WIPF1: variants seen among roughly 807,000 people sequenced by gnomAD.
WIPF1 encodes the protein WAS/WASL-interacting protein family member 1.
In WIPF1, 13 loss-of-function variants were observed where a neutral mutation model predicts 35.4. The ratio of observed to expected loss-of-function variants is 0.37; its 90% CI spans 0.24 to 0.58. WIPF1 has a LOEUF of 0.58. Ranked by LOEUF, WIPF1 falls within the 20% of genes least tolerant of loss-of-function variation. The pLI is 0.74. For synonymous variants in WIPF1, 267 were observed against 266.3 expected (o/e 1.00, Z -0.02); for missense variants, 591 against 667.0 (o/e 0.89, Z 1.25).
chr2:174,661,723 T>C (rs900882621), intron 1 of WIPF1, among the ~76,000 whole-genome samples: 10 of 152,162 alleles, frequency 6.6e-5, no homozygotes, highest in African/African-American at 2.4e-4. Flanking sequence ...GACCTTGCCT[T>C]AAGCACACCT....
chr2:174,645,733 A>G (rs1407480804), intron 1 of WIPF1, among the ~76,000 whole-genome samples: 4 of 152,236 alleles, frequency 2.6e-5, no homozygotes, highest in African/African-American at 9.6e-5. Flanking sequence ...GCTGTCTTCA[A>G]AGCTAGAGCC....
intron 1 of WIPF1, among the ~76,000 whole-genome samples, chr2:174,649,029 G>A (rs1687478622): frequency 6.6e-6 from 1 of 152,192 alleles, no homozygotes; most frequent in African/African-American, 2.4e-5. Context: ...GAAGGAGAAA[G>A]AAAGTAATTT....
At chr2:174,598,638 G>A (rs937831696), upstream of WIPF1, among the ~76,000 whole-genome samples, 7 of 152,220 alleles carry the variant, frequency 4.6e-5, no homozygotes, top group South Asian at 4.1e-4. Flanking sequence ...GTTTTGAAAC[G>A]TGATTTTGGT....
At chr2:174,670,187 GC>G (rs992015117) in intron 1 of WIPF1, among the ~76,000 whole-genome samples, 13 of 151,854 alleles carry the variant, frequency 8.6e-5, no homozygotes, top group African/African-American at 2.7e-4. Flanking sequence ...TTCACTCCCT[GC>G]CCCCCCATCC....
At chr2:174,586,393 A>G (rs560059586) in intron 1 of WIPF1, among the ~76,000 whole-genome samples, 15 of 152,204 alleles carry the variant, frequency 9.9e-5, no homozygotes, top group Non-Finnish European at 1.9e-4. Flanking sequence ...GTAAAAAATT[A>G]TATATAAATA....
chr2:174,562,244 G>T lies in WIPF1; in HGVS notation c.*303C>A. On this transcript the variant is annotated 3_prime_UTR_variant, in exon 8 of 8. Coordinates refer to ENST00000679041, the MANE Select transcript of WIPF1 (RefSeq NM_001375834.1). ...AAATAAGCAGTGAATGTTTGAATTTGGTTGGTGGAAAGCTGGGATGCAAGT... is the reference window on the plus strand; with the variant it reads ...AAATAAGCAGTGAATGTTTGAATTTTGTTGGTGGAAAGCTGGGATGCAAGT... 6.5e-7 allele frequency: 1 copy of T among 1,542,546 alleles called. No homozygotes were observed. The highest frequency in any genetic ancestry group is 1.2e-5 in the South Asian group (1 of 83,534).
intron 1 of WIPF1, among the ~76,000 whole-genome samples, chr2:174,636,777 G>A (rs1343194050): frequency 1.3e-5 from 2 of 152,166 alleles, no homozygotes; most frequent in Admixed American, 1.3e-4. Flanking sequence ...TTTTTCTCTT[G>A]GTAAGACTGG....
chr2:174,661,721 C>T lies in WIPF1; in HGVS notation c.-39+21053G>A, dbSNP rs547294174. Among the ~76,000 whole-genome samples the T allele has an allele frequency of 7.2e-5, 11 of 152,216 alleles. No homozygotes were observed. The East Asian group carries it at 1.9e-3, about 27-fold the overall frequency. ...CTCCACTTTATGATAGGGACCTTGC[C>T]TTAAGCACACCTCAACAGTGAGCAC... On this transcript the variant is annotated intron_variant, in intron 1 of 8. Coordinates refer to the WIPF1 transcript ENST00000272746.
chr2:174,640,691 C>T (rs955551221), intron 1 of WIPF1, among the ~76,000 whole-genome samples: 2 of 151,156 alleles, frequency 1.3e-5, no homozygotes, highest in South Asian at 2.1e-4. Flanking sequence ...ATACACGTGC[C>T]GTGTTGGTGT....
intron 1 of WIPF1, among the ~76,000 whole-genome samples, chr2:174,631,135 C>T (rs923086173): frequency 6.6e-6 from 1 of 152,170 alleles, no homozygotes; most frequent in Admixed American, 6.5e-5. Context: ...ACCAAAGGAA[C>T]TGAATCCAGG....
intron 1 of WIPF1, among the ~76,000 whole-genome samples, chr2:174,621,226 G>C (rs10185056): frequency 0.015 from 2,282 of 152,172 alleles, 67 homozygotes; most frequent in African/African-American, 0.052. Flanking sequence ...AGATGAGTTT[G>C]AGTAATATAT....
chr2:174,580,556 T>A (rs1685202836), intron 3 of WIPF1, among the ~76,000 whole-genome samples: 1 of 152,218 alleles, frequency 6.6e-6, no homozygotes, highest in Non-Finnish European at 1.5e-5. Flanking sequence ...GGATCTGTAG[T>A]CTAGGATGAA....
At chr2:174,652,548 A>G (rs1385978049) in intron 1 of WIPF1, among the ~76,000 whole-genome samples, 1 of 152,190 alleles carries the variant, frequency 6.6e-6, no homozygotes, top group Non-Finnish European at 1.5e-5. Context: ...GATTTTTCCC[A>G]TCTCCATTAA....
At chr2:174,680,513 A>C (rs141788736) in intron 1 of WIPF1, among the ~76,000 whole-genome samples, 22 of 152,334 alleles carry the variant, frequency 1.4e-4, no homozygotes, top group African/African-American at 5.3e-4. Flanking sequence ...AGATGCTTAA[A>C]AGTGAAGGGG....
At chr2:174,596,847 A>G (rs1685837193) in intron 1 of WIPF1, among the ~76,000 whole-genome samples, 1 of 152,190 alleles carries the variant, frequency 6.6e-6, no homozygotes, top group South Asian at 2.1e-4. Context: ...CATAAGTCAA[A>G]TTGTTTCTTC....
chr2:174,598,621 C>A (rs919922320), upstream of WIPF1, among the ~76,000 whole-genome samples: 1 of 152,094 alleles, frequency 6.6e-6, no homozygotes, highest in Non-Finnish European at 1.5e-5. Flanking sequence ...TACTTGGCAG[C>A]AAATGAGTTT....
intron 1 of WIPF1, among the ~76,000 whole-genome samples, chr2:174,603,183 G>C (rs1206893783): frequency 6.6e-6 from 1 of 152,188 alleles, no homozygotes; most frequent in Non-Finnish European, 1.5e-5. Context: ...ATTGGAAGAG[G>C]GAGAAAAACC....
chr2:174,638,845 C>A (rs1165368068), intron 1 of WIPF1, among the ~76,000 whole-genome samples: 1 of 152,104 alleles, frequency 6.6e-6, no homozygotes, highest in East Asian at 1.9e-4. Context: ...ACAATAAACA[C>A]GGAGGGCGGA....
chr2:174,571,890 C>T lies in WIPF1; in HGVS notation c.915G>A (p.Gln305=). 6.2e-7 allele frequency: 1 copy of T among 1,612,594 alleles called. No homozygotes were observed. Among genetic ancestry groups the T allele is most frequent in the Non-Finnish European group, 8.5e-7 (1 of 1,179,388 alleles). The part of the protein sequence containing the change: ...PSTPRPSASS[Q]APPPPPPPSR... ...TGGGAGGTGGCGGCGGAGGTGGGGCCTGTGAGGAGGCCGAAGGCCGCGGAG... is the reference window on the plus strand; with the variant it reads ...TGGGAGGTGGCGGCGGAGGTGGGGCTTGTGAGGAGGCCGAAGGCCGCGGAG... The change falls in exon 5 of 8, where the codon CAG becomes CAA. Residue 305 remains glutamine, a synonymous_variant. Coordinates refer to ENST00000679041, the MANE Select transcript of WIPF1 (RefSeq NM_001375834.1). The surrounding 1 kb of genome is among the most constrained non-coding windows in gnomAD (Gnocchi z 4.6).
Sources: gnomAD v4.1 joint callset for allele counts (sites outside exome capture counted in the v4.1 genomes callset) on GRCh38, gnomAD v4.1.1 for gene constraint, Gnocchi (gnomAD v3.1) non-coding constraint, MANE v1.5 for transcripts, NCBI Gene and HGNC (gene_info 2026-07-23, HGNC 2026-07-21) for gene names.